USH2A: variants seen among roughly 807,000 people sequenced by gnomAD.
USH2A encodes the protein usherin, also known as Usher syndrome 2A (autosomal recessive, mild).
Under a neutral mutation model 538.9 loss-of-function variants are expected in USH2A, and 443 were observed. The observed-to-expected ratio is 0.82, with a 90% CI of 0.76 to 0.89. The LOEUF is 0.89. Among genes scored for constraint, USH2A ranks in the 40% least tolerant of loss-of-function variants. The pLI is 0.00. For synonymous variants in USH2A, 2,413 were observed against 2,273.5 expected (o/e 1.06, Z -1.75); for missense variants, 6,633 against 6,324.8 (o/e 1.05, Z -1.65).
At chr1:215,876,026 A>G (rs1447184453) in intron 43 of USH2A, among the ~76,000 whole-genome samples, 1 of 151,124 alleles carries the variant, frequency 6.6e-6, no homozygotes, top group East Asian at 1.9e-4. Context: ...CCACTAGATT[A>G]TAAGTTCTTT....
At chr1:215,788,015 A>G (rs1661852221) in intron 51 of USH2A, among the ~76,000 whole-genome samples, 1 of 151,982 alleles carries the variant, frequency 6.6e-6, no homozygotes, top group South Asian at 2.1e-4. Flanking sequence ...CATAAATAGA[A>G]TCCCACTATA....
intron 20 of USH2A, among the ~76,000 whole-genome samples, chr1:216,177,188 T>C (rs1371615260): frequency 6.6e-6 from 1 of 152,176 alleles, no homozygotes; most frequent in Non-Finnish European, 1.5e-5. Flanking sequence ...TGGCAATGAA[T>C]GAGCATTCCT....
chr1:215,796,196 T>C (rs1222507912), intron 50 of USH2A, among the ~76,000 whole-genome samples: 1 of 152,146 alleles, frequency 6.6e-6, no homozygotes, highest in Non-Finnish European at 1.5e-5. Context: ...AAAAGGCATA[T>C]AGTAGTTTAG....
intron 37 of USH2A, among the ~76,000 whole-genome samples, chr1:215,943,724 G>A (rs1219863461): frequency 6.6e-6 from 1 of 152,170 alleles, no homozygotes; most frequent in Non-Finnish European, 1.5e-5. Flanking sequence ...CGACTGAATG[G>A]TGATGGTGCC....
intron 47 of USH2A, among the ~76,000 whole-genome samples, chr1:215,820,029 C>T (rs937241479): frequency 2.0e-5 from 3 of 151,562 alleles, no homozygotes; most frequent in African/African-American, 7.3e-5. Flanking sequence ...TCTTCAATCC[C>T]AGGAATAAAT....
In USH2A at chr1:215,728,319, A is replaced by G. The variant is rs2102713755; in HGVS notation, c.11777T>C (p.Met3926Thr). 3.1e-6 allele frequency: 5 copies of G among 1,614,220 alleles called. No homozygotes were observed. Among genetic ancestry groups the G allele is most frequent in the Admixed American group, 1.7e-5 (1 of 60,032 alleles). The change falls in exon 61 of 72, where the codon ATG becomes ACG. Residue 3926 changes from methionine (M) to threonine (T), a missense_variant. Transcript: ENST00000307340. ...FVWSEGALEF[M>T]DEGDTLRPFT... ...AGGCCTCAGGGTGTCTCCTTCATCCATAAATTCAAGGGCTCCTTCTGACCA... is the reference window on the plus strand; with the variant it reads ...AGGCCTCAGGGTGTCTCCTTCATCCGTAAATTCAAGGGCTCCTTCTGACCA...
chr1:216,081,197 T>C (rs915025735), intron 26 of USH2A, among the ~76,000 whole-genome samples: 4 of 152,070 alleles, frequency 2.6e-5, no homozygotes, highest in Non-Finnish European at 5.9e-5. Flanking sequence ...GGTAGAAATA[T>C]GGTTGAAGAA....
intron 3 of USH2A, among the ~76,000 whole-genome samples, chr1:216,404,492 C>T (rs1368198756): frequency 6.6e-6 from 1 of 151,600 alleles, no homozygotes; most frequent in African/African-American, 2.4e-5. Context: ...TAATTTTTGA[C>T]AAATGTGCCA....
Position 216,418,670 on chromosome 1 carries a change from T to C in USH2A, c.495A>G (p.Ile165Met). The C allele has an allele frequency of 6.2e-7, 1 of 1,612,978 alleles. No individual in the cohort carries two copies. The highest frequency in any genetic ancestry group is 8.5e-7 in the Non-Finnish European group (1 of 1,179,332). ...KPEQQGVMCV[I>M]EKTVDGQIVF... ...CAATCTGCCCATCTACTGTCTTTTC[T>C]ATAACACACCTTAGGAAGCAACCGG... The change falls in exon 3 of 72, where the codon ATA (isoleucine) becomes ATG (methionine). Residue 165 changes from isoleucine to methionine, a missense_variant. By Grantham distance (10) the Ile-to-Met change is conservative. Coordinates refer to ENST00000307340, the MANE Select transcript of USH2A (RefSeq NM_206933.4).
intron 38 of USH2A, 149 bp from the exon 39 acceptor site, chr1:215,901,054 C>G (rs1303661742): frequency 7.5e-6 from 7 of 939,230 alleles, no homozygotes; most frequent in Non-Finnish European, 1.2e-5. Flanking sequence ...ATTTTCATTC[C>G]TGAACTCCTG....
chr1:216,227,699 G>C (rs533856159), intron 14 of USH2A, among the ~76,000 whole-genome samples: 113 of 152,292 alleles, frequency 7.4e-4, no homozygotes, highest in Middle Eastern at 3.4e-3. Context: ...AGATAATCTG[G>C]AGATACATAT....
intron 15 of USH2A, among the ~76,000 whole-genome samples, chr1:216,207,993 T>C (rs945801105): frequency 7.9e-5 from 12 of 152,124 alleles, no homozygotes; most frequent in Admixed American, 1.3e-4. Context: ...ACTATATGAA[T>C]GTACCATCAC....
intron 18 of USH2A, among the ~76,000 whole-genome samples, chr1:216,197,303 G>A (rs1039848728): frequency 2.6e-5 from 4 of 152,120 alleles, no homozygotes; most frequent in African/African-American, 4.8e-5. Flanking sequence ...GCTCTTTACA[G>A]GGATTTTAAA....
intron 21 of USH2A, among the ~76,000 whole-genome samples, chr1:216,169,537 T>C (rs1343244449): frequency 6.6e-6 from 1 of 152,104 alleles, no homozygotes; most frequent in African/African-American, 2.4e-5. Context: ...CTACTAAATA[T>C]AATAAAAAAT....
intron 47 of USH2A, among the ~76,000 whole-genome samples, chr1:215,832,504 C>G (rs112141149): frequency 0.034 from 5,184 of 151,970 alleles, 101 homozygotes; most frequent in African/African-American, 0.05. Context: ...TATAATCGAT[C>G]ATAGTACAAA....
At chr1:216,200,235 CTT>C (rs972003135) in intron 16 of USH2A, 114 bp from the exon 17 acceptor site, 3 of 1,111,082 alleles carry the variant, frequency 2.7e-6, no homozygotes, top group East Asian at 2.6e-5. Context: ...CCAATCTACT[CTT>C]TTGATTAAGG....
At chr1:216,162,703 A>C (rs2034083013) in intron 21 of USH2A, among the ~76,000 whole-genome samples, 1 of 152,184 alleles carries the variant, frequency 6.6e-6, no homozygotes, top group East Asian at 1.9e-4. Context: ...TTACTCATAA[A>C]GGACGGACTT....
At chr1:215,913,034 C>T (rs530186026) in intron 38 of USH2A, among the ~76,000 whole-genome samples, 5 of 152,104 alleles carry the variant, frequency 3.3e-5, no homozygotes, top group Non-Finnish European at 5.9e-5. Context: ...AAACCTCATC[C>T]TCTTTCCTGT....
At position 215,888,718 on chromosome 1, in the gene USH2A, C is replaced by T; in HGVS notation, c.7931G>A (p.Trp2644Ter). The change falls in exon 41 of 72, where the codon TGG (tryptophan) becomes TAG (stop). Residue 2644 changes from tryptophan to a stop codon, truncating the protein, a stop_gained. Transcript: ENST00000307340. LOFTEE classifies it high-confidence loss of function. ...GCCATTGGGGTGGGTAGGGGGTTGC[C>T]AAGATATAATCACAGATGTTGGAGT... The part of the protein sequence containing the change: ...SDTPTSVIIS[W>*]QPPTHPNGLV... 2 of 1,614,032 alleles carry T rather than the reference C, an allele frequency of 1.2e-6. No homozygotes were observed. Among genetic ancestry groups the T allele is most frequent in the Non-Finnish European group, 1.7e-6 (2 of 1,180,006 alleles).
Sources: gnomAD v4.1 joint callset for allele counts (sites outside exome capture counted in the v4.1 genomes callset) on GRCh38, gnomAD v4.1.1 for gene constraint, MANE v1.5 for transcripts, NCBI Gene and HGNC (gene_info 2026-07-23, HGNC 2026-07-21) for gene names.